FAM120C: variants seen among roughly 807,000 people sequenced by gnomAD.
FAM120C encodes the protein family with sequence similarity 120 member C, also known as constitutive coactivator of PPAR-gamma-like protein 2.
Under a neutral mutation model 71.2 loss-of-function variants are expected in FAM120C, and 14 were observed. The observed-to-expected ratio is 0.20, with a 90% CI of 0.13 to 0.31. The LOEUF (loss-of-function observed/expected upper bound fraction) is 0.31. Ranked by LOEUF, FAM120C falls within the 10% of genes least tolerant of loss-of-function variation. The probability of loss-of-function intolerance (pLI) is 1.00; values close to 1 mark genes in which losing one functional copy is unlikely to be tolerated. For synonymous variants in FAM120C, 354 were observed against 353.2 expected (o/e 1.00, Z -0.03); for missense variants, 500 against 879.0 (o/e 0.57, Z 5.45).
In FAM120C at chrX:54,135,166, G is replaced by A; in HGVS notation, c.1336-55C>T. On this transcript the variant is annotated intron_variant, in intron 6 of 15. Transcript: ENST00000375180. Reference sequence around the variant, plus strand: ...TTAACATTTTATAAGGCTCCAAGGTGGCTCCCTCAGAAGTTGTGACACAGT... The same window carrying A: ...TTAACATTTTATAAGGCTCCAAGGTAGCTCCCTCAGAAGTTGTGACACAGT... 3 of 1,104,573 alleles carry A rather than the reference G, an allele frequency of 2.7e-6. No homozygotes were observed. The South Asian group carries it at 6.7e-5, about 25-fold the overall frequency. The allele number at this position is 1,104,573 out of a possible 1,213,427, so 91.0% of individuals were successfully genotyped here. A position where few individuals can be genotyped will look rare whatever the true frequency, so the allele number is the denominator to read the frequency against.
chrX:54,136,951 T>C (rs1189425470), intron 4 of FAM120C, among the ~76,000 whole-genome samples: 1 of 108,619 alleles, frequency 9.2e-6, no homozygotes, highest in Non-Finnish European at 1.9e-5. Flanking sequence ...ATTTTATTAT[T>C]ATTATTATTA....
intron 10 of FAM120C, among the ~76,000 whole-genome samples, chrX:54,093,788 A>G (rs1425108961): frequency 8.9e-6 from 1 of 111,856 alleles, no homozygotes; most frequent in Non-Finnish European, 1.9e-5. Context: ...TTGGAATTAC[A>G]TGATTCCACT....
In FAM120C at chrX:54,104,808, G is replaced by A. The variant is rs1044108690; in HGVS notation, c.2312+11737C>T. Among the ~76,000 whole-genome samples, 13 of 106,158 alleles carry A rather than the reference G, an allele frequency of 1.2e-4. No homozygotes were observed. The South Asian group carries it at 1.2e-3, about 10-fold the overall frequency. 92.2% of individuals were successfully genotyped at this position (106,158 alleles called of 115,157 possible). On this transcript the variant is annotated intron_variant, in intron 10 of 15. Transcript: ENST00000375180. ...GGGCAACCGAGCGAGACTCTGTCTC[G>A]GGGGGGGAAAAAAAAGAAAAAGAAA...
intron 1 of FAM120C, among the ~76,000 whole-genome samples, chrX:54,178,832 C>G (rs1557136987): frequency 9.0e-6 from 1 of 111,709 alleles, no homozygotes; most frequent in Admixed American, 9.5e-5. Flanking sequence ...TCATATGCCA[C>G]CAACATGATT....
At chrX:54,114,230 G>A (rs932309460) in intron 10 of FAM120C, among the ~76,000 whole-genome samples, 4 of 110,697 alleles carry the variant, frequency 3.6e-5, no homozygotes, top group Middle Eastern at 4.6e-3. Flanking sequence ...GCACATGGAC[G>A]TAGACAGTGG....
intron 4 of FAM120C, among the ~76,000 whole-genome samples, chrX:54,137,514 G>A (rs1457503628): frequency 9.0e-6 from 1 of 111,620 alleles, no homozygotes; most frequent in Admixed American, 9.6e-5. Context: ...TGCATATTTT[G>A]TCATTATGAA....
chrX:54,183,246 C>A lies in FAM120C; in HGVS notation c.-48G>T, dbSNP rs1557137971. ...ATAGCGGCTGCGCAAGCAGGATAGGCGACGATCTGGGCGCGAAGCTGGGGG... is the reference window on the plus strand; with the variant it reads ...ATAGCGGCTGCGCAAGCAGGATAGGAGACGATCTGGGCGCGAAGCTGGGGG... On this transcript the variant is annotated 5_prime_UTR_variant, in exon 1 of 16. Transcript: ENST00000375180. 1.1e-6 allele frequency: 1 copy of A among 944,986 alleles called. No homozygotes were observed. The highest frequency in any genetic ancestry group is 5.3e-5 in the Admixed American group (1 of 19,002). The allele number at this position is 944,986 out of a possible 1,213,427, so 77.9% of individuals were successfully genotyped here. A position where few individuals can be genotyped will look rare whatever the true frequency, so the allele number is the denominator to read the frequency against.
chrX:54,177,172 G>A (rs2067323161), intron 1 of FAM120C, among the ~76,000 whole-genome samples: 1 of 111,515 alleles, frequency 9.0e-6, no homozygotes, highest in African/African-American at 3.3e-5. Flanking sequence ...GATTGTGAAG[G>A]GCGCTGTCTG....
intron 4 of FAM120C, among the ~76,000 whole-genome samples, chrX:54,138,651 C>G (rs1557131088): frequency 9.1e-6 from 1 of 110,295 alleles, no homozygotes; most frequent in Non-Finnish European, 1.9e-5. Flanking sequence ...ATGGTAAAAA[C>G]CTGTCTCTAC....
intron 1 of FAM120C, among the ~76,000 whole-genome samples, chrX:54,176,775 CA>C (rs1284807501): frequency 4.5e-5 from 5 of 111,987 alleles, no homozygotes; most frequent in Non-Finnish European, 9.4e-5. Flanking sequence ...GCAAATCAAC[CA>C]ATCTCTCTCA....
chrX:54,179,292 T>G (rs1557137038), intron 1 of FAM120C, among the ~76,000 whole-genome samples: 1 of 112,193 alleles, frequency 8.9e-6, no homozygotes, highest in East Asian at 2.8e-4. Context: ...CCACCTCTAC[T>G]TTCTGTATCA....
Position 54,182,725 on chromosome X carries a change from G to A in FAM120C, c.474C>T (p.Ala158=). 8.3e-7 allele frequency: 1 copy of A among 1,209,959 alleles called. No homozygotes were observed. The highest frequency in any genetic ancestry group is 1.1e-6 in the Non-Finnish European group (1 of 894,900). Reference sequence around the variant, plus strand: ...GCTCCAGGCCGTCGCCGCCAGGATAGGCACAAGCCTGGCACAGCGCTGACA... The same window carrying A: ...GCTCCAGGCCGTCGCCGCCAGGATAAGCACAAGCCTGGCACAGCGCTGACA... ...GYLSALCQAC[A]YPGGDGLELV... Residue 158 remains alanine, a synonymous_variant, in exon 1 of 16, where the codon GCC becomes GCT. Transcript: ENST00000375180.
At chrX:54,164,927 G>T (rs945543893) in intron 1 of FAM120C, among the ~76,000 whole-genome samples, 3 of 111,459 alleles carry the variant, frequency 2.7e-5, no homozygotes, top group Non-Finnish European at 5.7e-5. Context: ...TTATTTTTTT[G>T]TGTGTTTTTT....
chrX:54,166,585 A>G (rs781878050), intron 1 of FAM120C, among the ~76,000 whole-genome samples: 204 of 112,233 alleles, frequency 1.8e-3, no homozygotes, highest in African/African-American at 6.2e-3. Context: ...AAAACCATAA[A>G]AAGTAATGAC....
At position 54,135,120 on chromosome X, in the gene FAM120C, TA is replaced by T; in HGVS notation, c.1336-10del. On this transcript the variant is annotated splice_polypyrimidine_tract_variant and intron_variant, in intron 6 of 15. Coordinates refer to ENST00000375180, the MANE Select transcript of FAM120C (RefSeq NM_017848.6). Reference sequence around the variant, plus strand: ...GGCACTTGATGAGAAAACTAAACGATAAAACAGACAGAAAAGCTATTTAACA... The same window carrying T: ...GGCACTTGATGAGAAAACTAAACGATAAACAGACAGAAAAGCTATTTAACA... 15 of 1,177,210 alleles carry T rather than the reference TA, an allele frequency of 1.3e-5. No individual in the cohort carries two copies. Among genetic ancestry groups the T allele is most frequent in the Non-Finnish European group, 1.7e-5 (15 of 878,438 alleles).
At chrX:54,154,037 GT>G (rs782749860) in intron 3 of FAM120C, among the ~76,000 whole-genome samples, 145 of 98,820 alleles carry the variant, frequency 1.5e-3, no homozygotes, top group African/African-American at 2.1e-3. Flanking sequence ...GATCTCAGTG[GT>G]TTTTTTTTTT....
chrX:54,117,525 T>C (rs1417365430), intron 9 of FAM120C, among the ~76,000 whole-genome samples: 27 of 104,352 alleles, frequency 2.6e-4, no homozygotes, highest in Non-Finnish European at 9.8e-5. Context: ...TGAAACCCTG[T>C]TTCTACCAAA....
intron 4 of FAM120C, among the ~76,000 whole-genome samples, chrX:54,138,691 G>T (rs956958660): frequency 9.1e-6 from 1 of 109,899 alleles, no homozygotes; most frequent in Non-Finnish European, 1.9e-5. Flanking sequence ...TGGGCATGGT[G>T]GTGCACGCCT....
rs782662370 is a variant in FAM120C, at chrX:54,183,055, G to A, written c.144C>T (p.Ala48=). 10 of 1,156,165 alleles carry A rather than the reference G, an allele frequency of 8.6e-6. No homozygotes were observed. In the Admixed American group the frequency reaches 2.1e-4, roughly 24 times the overall value. The stretch of plus-strand genomic sequence containing the variant: ...CGGCGCGTGGAGCCCCGGGCGCTAG[G>A]GCTGCAGTCGGCGGCAGCTGGCGGT... ...HLHRQLPPTA[A]LAPGAPRAAR... is the part of the protein sequence containing the mutation. The change falls in exon 1 of 16, where the codon GCC becomes GCT. Residue 48 remains alanine (A), a synonymous_variant. Transcript: ENST00000375180.
Sources: gnomAD v4.1 joint callset for allele counts (sites outside exome capture counted in the v4.1 genomes callset) on GRCh38, gnomAD v4.1.1 for gene constraint, MANE v1.5 for transcripts, NCBI Gene and HGNC (gene_info 2026-07-23, HGNC 2026-07-21) for gene names.